The following GPC6 variants were observed in gnomAD, a reference collection of about 807,000 sequenced individuals.
GPC6 encodes the protein glypican-6.
GPC6 carries 14 observed loss-of-function variants against 55.2 expected under a neutral mutation model. The observed-to-expected ratio is 0.25, with a 90% CI of 0.17 to 0.40. The LOEUF is 0.40. Among genes scored for constraint, GPC6 ranks in the 10% least tolerant of loss-of-function variants. The probability of loss-of-function intolerance (pLI) is 1.00; values close to 1 mark genes in which losing one functional copy is unlikely to be tolerated. For missense variants in GPC6, 641 were observed against 708.5 expected, an observed-to-expected ratio of 0.90 and a Z score of 1.08; for synonymous variants, 278 against 259.6, an observed-to-expected ratio of 1.07 and a Z score of -0.68.
chr13:93,562,166 A>G (rs912388519), intron 2 of GPC6, among the ~76,000 whole-genome samples: 3 of 152,156 alleles, frequency 2.0e-5, no homozygotes, highest in Non-Finnish European at 4.4e-5. Context: ...GTGATGCATA[A>G]TAAAATGAAG....
chr13:93,452,412 C>A (rs751496058), intron 1 of GPC6, among the ~76,000 whole-genome samples: 1 of 152,140 alleles, frequency 6.6e-6, no homozygotes, highest in African/African-American at 2.4e-5. Context: ...ATAAGCATTA[C>A]CCTTTGATTT....
At chr13:94,315,445 C>T (rs1461951745) in intron 6 of GPC6, among the ~76,000 whole-genome samples, 2 of 152,204 alleles carry the variant, frequency 1.3e-5, no homozygotes, top group Non-Finnish European at 2.9e-5. Context: ...TGGAGGTTCA[C>T]CTGTCACAAT....
chr13:93,920,054 T>C (rs1877491059), intron 3 of GPC6, among the ~76,000 whole-genome samples: 1 of 152,146 alleles, frequency 6.6e-6, no homozygotes, highest in African/African-American at 2.4e-5. Flanking sequence ...AGTTAATGTT[T>C]CCTCTGTGGT....
intron 3 of GPC6, chr13:93,830,805 G>T: frequency 1.4e-5 from 6 of 428,808 alleles, no homozygotes; most frequent in Non-Finnish European, 2.5e-5. Context: ...TAGCAGAGAA[G>T]CTTTTAGTAC....
intron 1 of GPC6, among the ~76,000 whole-genome samples, chr13:93,264,590 C>T (rs772526289): frequency 8.6e-5 from 13 of 151,822 alleles, no homozygotes; most frequent in Admixed American, 2.6e-4. Flanking sequence ...TTTAATTTTT[C>T]GGTAGAAACA....
chr13:93,602,588 G>A (rs904977868), intron 2 of GPC6, among the ~76,000 whole-genome samples: 1 of 151,282 alleles, frequency 6.6e-6, no homozygotes, highest in African/African-American at 2.5e-5. Flanking sequence ...AATCTTGGGG[G>A]AAGATGAGAT....
chr13:93,325,160 T>A (rs1384010931), intron 1 of GPC6, among the ~76,000 whole-genome samples: 1 of 152,152 alleles, frequency 6.6e-6, no homozygotes, highest in Non-Finnish European at 1.5e-5. Flanking sequence ...CCTAATTTAT[T>A]TGGATTTGTA....
intron 3 of GPC6, among the ~76,000 whole-genome samples, chr13:94,002,636 G>A (rs537509344): frequency 2.5e-4 from 38 of 152,282 alleles, no homozygotes; most frequent in African/African-American, 8.7e-4. Flanking sequence ...AAAATTAAAT[G>A]TCAGGAATCC....
chr13:94,288,869 T>TGTTATATATATTA (rs1373153042), intron 5 of GPC6, among the ~76,000 whole-genome samples: 3 of 30,796 alleles, frequency 9.7e-5, no homozygotes, highest in South Asian at 8.6e-4. Context: ...TATATATATT[T>TGTTATATATATTA]GTTATATATA....
intron 2 of GPC6, among the ~76,000 whole-genome samples, chr13:93,556,149 T>C (rs974202725): frequency 1.3e-5 from 2 of 152,082 alleles, no homozygotes; most frequent in Admixed American, 6.5e-5. Context: ...ATTTTAACTT[T>C]TGCAGATGTA....
intron 4 of GPC6, among the ~76,000 whole-genome samples, chr13:94,205,753 A>G (rs1889882180): frequency 6.7e-6 from 1 of 150,260 alleles, no homozygotes; most frequent in Non-Finnish European, 1.5e-5. Flanking sequence ...CAGGGAGAAT[A>G]CGTTCACTTT....
intron 2 of GPC6, among the ~76,000 whole-genome samples, chr13:93,603,756 T>C (rs984339994): frequency 6.6e-6 from 1 of 152,190 alleles, no homozygotes; most frequent in Non-Finnish European, 1.5e-5. Context: ...TGCCAACAGA[T>C]GGATAGTCAT....
At chr13:93,795,293 A>G (rs1886161829) in intron 2 of GPC6, among the ~76,000 whole-genome samples, 1 of 152,226 alleles carries the variant, frequency 6.6e-6, no homozygotes, top group South Asian at 2.1e-4. Flanking sequence ...ATTATCTTTA[A>G]AGCAAAATTA....
intron 3 of GPC6, among the ~76,000 whole-genome samples, chr13:93,934,339 T>A (rs1211591492): frequency 1.3e-5 from 2 of 152,200 alleles, no homozygotes; most frequent in Non-Finnish European, 2.9e-5. Flanking sequence ...AATATTTTTC[T>A]CTTGATTACA....
rs1491170403 is a variant in GPC6, at chr13:93,231,396, T to TAC, written c.160+3780_160+3781insAC. Among the ~76,000 whole-genome samples, 11 of 27,038 alleles carry TAC rather than the reference T, an allele frequency of 4.1e-4. 1 individual carries two copies. The highest frequency in any genetic ancestry group is 1.4e-3 in the African/African-American group (8 of 5,528). The allele number at this position is 27,038 out of a possible 152,430, so 17.7% of individuals were successfully genotyped here. On this transcript the variant is annotated intron_variant, in intron 1 of 8. Transcript: ENST00000377047. The stretch of plus-strand genomic sequence containing the variant: ...ATATATATACATATATATATATATA[T>TAC]GTATATATATATATATATATATATA...
At chr13:93,539,847 A>G (rs1882217302) in intron 1 of GPC6, among the ~76,000 whole-genome samples, 1 of 151,264 alleles carries the variant, frequency 6.6e-6, no homozygotes, top group East Asian at 2.0e-4. Context: ...ATGCGCCACC[A>G]CTCCCGGCTA....
At chr13:94,221,461 A>T (rs1284782512) in intron 4 of GPC6, among the ~76,000 whole-genome samples, 1 of 152,132 alleles carries the variant, frequency 6.6e-6, no homozygotes, top group East Asian at 1.9e-4. Context: ...AGAAATTGAC[A>T]CTTAAATCAG....
chr13:93,959,364 T>C (rs568665619), intron 3 of GPC6, among the ~76,000 whole-genome samples: 81 of 152,294 alleles, frequency 5.3e-4, no homozygotes, highest in Non-Finnish European at 9.9e-4. Context: ...GGTTTCACCA[T>C]GTTAACCAGG....
chr13:93,810,532 C>T (rs1886664235), intron 2 of GPC6, among the ~76,000 whole-genome samples: 1 of 152,116 alleles, frequency 6.6e-6, no homozygotes, highest in Non-Finnish European at 1.5e-5. Flanking sequence ...AAAGGGATGA[C>T]ATTTTCTTGT....
Sources: gnomAD v4.1 joint callset for allele counts (sites outside exome capture counted in the v4.1 genomes callset) on GRCh38, gnomAD v4.1.1 for gene constraint, MANE v1.5 for transcripts, NCBI Gene and HGNC (gene_info 2026-07-23, HGNC 2026-07-21) for gene names.